CLEC2A: variants seen among roughly 807,000 people sequenced by gnomAD.
The protein encoded by CLEC2A is C-type lectin domain family 2 member A, also known as keratinocyte-associated C-type lectin.
A neutral mutation model predicts 18.6 loss-of-function variants in CLEC2A; 19 were observed. The ratio of observed to expected loss-of-function variants is 1.02; its 90% confidence interval spans 0.71 to 1.50. The LOEUF is 1.50. CLEC2A is among the 40% of genes most tolerant of loss of function. CLEC2A has a pLI of 0.00. For synonymous variants in CLEC2A, 74 were observed against 64.0 expected, an observed-to-expected ratio of 1.16 and a Z score of -0.75; for missense variants, 190 against 207.9, an observed-to-expected ratio of 0.91 and a Z score of 0.53.
At chr12:9,925,960 G>A (rs935389395) in intron 2 of CLEC2A, among the ~76,000 whole-genome samples, 1 of 152,162 alleles carries the variant, frequency 6.6e-6, no homozygotes, top group African/African-American at 2.4e-5. Flanking sequence ...TGAACCCCTG[G>A]CATTTCAGTA....
At chr12:9,882,632 T>A in the CLEC2A span, among the ~76,000 whole-genome samples, 1 of 151,904 alleles carries the variant, frequency 6.6e-6, no homozygotes, top group East Asian at 1.9e-4. Context: ...ACAAAAAAAA[T>A]TAGCTGGGTA....
chr12:9,898,809 T>C lies in CLEC2A; in HGVS notation c.*95A>G, dbSNP rs1485227775. The C allele has an allele frequency of 4.9e-6, 3 of 617,666 alleles. No homozygotes were observed. In the African/African-American group the frequency reaches 5.5e-5, roughly 11 times the overall value. The allele number at this position is 617,666 out of a possible 1,614,324, so 38.3% of individuals were successfully genotyped here. A position where few individuals can be genotyped will look rare whatever the true frequency, so the allele number is the denominator to read the frequency against. ...TCTAAAGAAGTACATCTAACTGCCG[T>C]TATATTAAGGATAAGGATGAAGACA... is the stretch of plus-strand genomic sequence containing the variant. On this transcript the variant is annotated 3_prime_UTR_variant, in exon 5 of 5. Transcript: ENST00000339766.
the CLEC2A span, among the ~76,000 whole-genome samples, chr12:9,888,565 C>T: frequency 7.0e-4 from 106 of 151,902 alleles, no homozygotes; most frequent in South Asian, 0.02. Flanking sequence ...ACAGATATGG[C>T]GAAACGTAGT....
downstream of CLEC2A, among the ~76,000 whole-genome samples, chr12:9,911,308 T>G (rs111746101): frequency 1.5e-3 from 227 of 152,282 alleles, no homozygotes; most frequent in African/African-American, 5.3e-3. Flanking sequence ...GAGGGCTGTT[T>G]GCAGGCTAGA....
downstream of CLEC2A, among the ~76,000 whole-genome samples, chr12:9,897,710 T>C (rs1190443089): frequency 1.3e-5 from 2 of 151,942 alleles, no homozygotes; most frequent in African/African-American, 2.4e-5. Context: ...ATTCTCCCAA[T>C]GTGCAAGCAG....
At chr12:9,888,309 T>C in the CLEC2A span, among the ~76,000 whole-genome samples, 1 of 151,312 alleles carries the variant, frequency 6.6e-6, no homozygotes, top group Admixed American at 6.6e-5. Context: ...GCTAATATCA[T>C]GAAACCCCAT....
chr12:9,916,342 T>G (rs1377696906), intron 4 of CLEC2A, among the ~76,000 whole-genome samples: 5 of 152,138 alleles, frequency 3.3e-5, no homozygotes, highest in African/African-American at 4.8e-5. Flanking sequence ...ATATACACTT[T>G]ACTTGGAAAG....
intron 3 of CLEC2A, among the ~76,000 whole-genome samples, chr12:9,920,232 G>A (rs969770111): frequency 1.3e-5 from 2 of 152,210 alleles, no homozygotes; most frequent in African/African-American, 4.8e-5. Flanking sequence ...CTAGGGATGT[G>A]TAAGGGGGTC....
chr12:9,921,839 C>T (rs1863177578), intron 3 of CLEC2A, among the ~76,000 whole-genome samples: 1 of 151,980 alleles, frequency 6.6e-6, no homozygotes. Flanking sequence ...AGTCTTCATC[C>T]TCGTTGTTTT....
chr12:9,930,301 G>C (rs964847265), intron 1 of CLEC2A, among the ~76,000 whole-genome samples: 2 of 152,172 alleles, frequency 1.3e-5, no homozygotes, highest in African/African-American at 4.8e-5. Flanking sequence ...ATCACATTCT[G>C]AGGTAGAGGG....
At chr12:9,885,758 T>C in the CLEC2A span, among the ~76,000 whole-genome samples, 1 of 152,038 alleles carries the variant, frequency 6.6e-6, no homozygotes, top group Non-Finnish European at 1.5e-5. Context: ...TAAATATCAA[T>C]CATATACCTC....
At chr12:9,894,194 T>TC (rs141443152), downstream of CLEC2A, among the ~76,000 whole-genome samples, 182 of 151,490 alleles carry the variant, frequency 1.2e-3, no homozygotes, top group African/African-American at 4.2e-3. Context: ...TTTCTTTCTT[T>TC]TTTTTTCAGC....
the CLEC2A span, among the ~76,000 whole-genome samples, chr12:9,886,781 A>G: frequency 1.9e-4 from 27 of 145,170 alleles, 1 homozygote; most frequent in East Asian, 1.6e-3. Flanking sequence ...AAAAAAAAAA[A>G]AGAGAGAAGA....
chr12:9,893,491 C>G, the CLEC2A span: 1 of 1,524,474 alleles, frequency 6.6e-7, no homozygotes, highest in Non-Finnish European at 8.8e-7. Flanking sequence ...ATGTTACATT[C>G]CAAGGGAACC....
chr12:9,891,458 A>T, the CLEC2A span, among the ~76,000 whole-genome samples: 3 of 152,312 alleles, frequency 2.0e-5, no homozygotes, highest in African/African-American at 2.4e-5. Context: ...TGTGTCTGGC[A>T]GCACTCCAGT....
At chr12:9,907,049 G>A (rs1424318217) in intron 4 of CLEC2A, among the ~76,000 whole-genome samples, 1 of 152,154 alleles carries the variant, frequency 6.6e-6, no homozygotes, top group Non-Finnish European at 1.5e-5. Flanking sequence ...TCCCCCAAAG[G>A]TTAACTTCCT....
At chr12:9,909,623 C>T (rs1862953854), downstream of CLEC2A, among the ~76,000 whole-genome samples, 1 of 152,152 alleles carries the variant, frequency 6.6e-6, no homozygotes, top group Non-Finnish European at 1.5e-5. Flanking sequence ...CCCTGCAGCA[C>T]CTCTTTTAAG....
chr12:9,885,096 C>A, the CLEC2A span: 1 of 518,012 alleles, frequency 1.9e-6, no homozygotes, highest in Non-Finnish European at 3.0e-6. Flanking sequence ...CTTCATTCCT[C>A]TTAATGCCAA....
chr12:9,919,514 G>A (rs1198047599), intron 3 of CLEC2A, among the ~76,000 whole-genome samples: 1 of 152,224 alleles, frequency 6.6e-6, no homozygotes, highest in Non-Finnish European at 1.5e-5. Flanking sequence ...CAGTTCCAGT[G>A]CAGAGGCAGT....
Sources: gnomAD v4.1 joint callset for allele counts (sites outside exome capture counted in the v4.1 genomes callset) on GRCh38, gnomAD v4.1.1 for gene constraint, MANE v1.5 for transcripts, NCBI Gene and HGNC (gene_info 2026-07-23, HGNC 2026-07-21) for gene names.